Variants in STK3 observed in about 807,000 individuals in gnomAD.
The protein encoded by STK3 is serine/threonine kinase 3.
STK3 carries 41 observed loss-of-function variants against 58.0 expected under a neutral mutation model. The observed-to-expected ratio is 0.71, with a 90% CI of 0.55 to 0.92. STK3 has a LOEUF of 0.92. Ranked by LOEUF, STK3 falls within the 40% of genes least tolerant of loss-of-function variation. STK3 has a pLI of 0.00. For synonymous variants in STK3, 170 were observed against 191.0 expected, an observed-to-expected ratio of 0.89 and a Z score of 0.91; for missense variants, 479 against 602.7, an observed-to-expected ratio of 0.79 and a Z score of 2.15.
rs561697795 is a variant in STK3, at chr8:98,698,524, G to T, written c.684+7943C>A. Among the ~76,000 whole-genome samples the T allele has an allele frequency of 4.8e-3, 732 of 152,262 alleles. 4 individuals carry two copies. Among genetic ancestry groups the T allele is most frequent in the African/African-American group, 0.016 (682 of 41,558 alleles). On this transcript the variant is annotated intron_variant, in intron 6 of 10. Coordinates refer to ENST00000419617, the MANE Select transcript of STK3 (RefSeq NM_006281.4). ...TACCGGTTGTTCCTTTCCATGTTTAGTGCTTCCTTCAGGAGCTCTTTTAGG... is the reference window on the plus strand; with the variant it reads ...TACCGGTTGTTCCTTTCCATGTTTATTGCTTCCTTCAGGAGCTCTTTTAGG...
chr8:98,685,910 CAAGTA>C (rs1375077330), intron 6 of STK3, among the ~76,000 whole-genome samples: 1 of 151,942 alleles, frequency 6.6e-6, no homozygotes, highest in Non-Finnish European at 1.5e-5. Context: ...GGGAGAAATG[CAAGTA>C]AAGTATGTAA....
intron 6 of STK3, among the ~76,000 whole-genome samples, chr8:98,629,880 T>C (rs575021790): frequency 9.2e-5 from 14 of 152,292 alleles, no homozygotes; most frequent in African/African-American, 1.9e-4. Context: ...ATCCCCAGTA[T>C]TCAGCTCTCA....
chr8:98,411,074 T>C (rs1347067957), intron 3 of STK3, among the ~76,000 whole-genome samples: 1 of 152,230 alleles, frequency 6.6e-6, no homozygotes, highest in African/African-American at 2.4e-5. Flanking sequence ...TCCATGCCCA[T>C]TTGTACACGC....
chr8:98,410,748 C>T (rs1180700198), intron 3 of STK3, among the ~76,000 whole-genome samples: 4 of 152,166 alleles, frequency 2.6e-5, no homozygotes, highest in Non-Finnish European at 5.9e-5. Context: ...AGAAAGTATT[C>T]CCTCCACAAA....
chr8:98,654,290 A>G (rs1186042516), intron 6 of STK3, among the ~76,000 whole-genome samples: 2 of 152,232 alleles, frequency 1.3e-5, no homozygotes, highest in African/African-American at 4.8e-5. Context: ...ACAATCCTTC[A>G]TGCTAAAAAC....
At chr8:98,689,528 C>A (rs1337011539) in intron 6 of STK3, among the ~76,000 whole-genome samples, 1 of 152,158 alleles carries the variant, frequency 6.6e-6, no homozygotes, top group Non-Finnish European at 1.5e-5. Context: ...CATCTATAAT[C>A]CCAGCACTTG....
chr8:98,559,862 T>C (rs1811876547), intron 8 of STK3, among the ~76,000 whole-genome samples: 1 of 152,036 alleles, frequency 6.6e-6, no homozygotes, highest in African/African-American at 2.4e-5. Context: ...TTTTAAATGG[T>C]CAAAGGATAA....
intron 3 of STK3, among the ~76,000 whole-genome samples, chr8:98,834,616 C>CTGAT (rs373081309): frequency 6.2e-4 from 94 of 152,312 alleles, no homozygotes; most frequent in Admixed American, 1.8e-3. Context: ...GGCCAACTTC[C>CTGAT]TGATTCATAG....
chr8:98,433,907 C>T (rs1298266127), intron 3 of STK3, among the ~76,000 whole-genome samples: 14 of 152,166 alleles, frequency 9.2e-5, no homozygotes, highest in Non-Finnish European at 1.5e-5. Flanking sequence ...CTATTTCCAC[C>T]TATGTACACG....
At chr8:98,762,877 C>T (rs1046411418) in intron 3 of STK3, among the ~76,000 whole-genome samples, 1 of 152,174 alleles carries the variant, frequency 6.6e-6, no homozygotes, top group African/African-American at 2.4e-5. Flanking sequence ...ACAGGCATTG[C>T]TTTCTTCAAC....
chr8:98,372,703 G>C, intron 2 of STK3, among the ~76,000 whole-genome samples: 1 of 152,202 alleles, frequency 6.6e-6, no homozygotes. Flanking sequence ...GCTTCAGTCT[G>C]GGGAACAGAG....
chr8:98,390,351 C>T (rs1199670945), upstream of STK3, among the ~76,000 whole-genome samples: 2 of 152,174 alleles, frequency 1.3e-5, no homozygotes, highest in Non-Finnish European at 2.9e-5. Flanking sequence ...AAATGTTGTG[C>T]CACTTTGTTT....
intron 6 of STK3, among the ~76,000 whole-genome samples, chr8:98,703,921 C>A (rs907343759): frequency 2.6e-5 from 4 of 152,130 alleles, no homozygotes; most frequent in Non-Finnish European, 4.4e-5. Flanking sequence ...CTACTGTAAA[C>A]CTTGATGAAA....
At chr8:98,910,388 T>C (rs1051978056) in intron 1 of STK3, among the ~76,000 whole-genome samples, 8 of 152,222 alleles carry the variant, frequency 5.3e-5, no homozygotes, top group Admixed American at 5.2e-4. Flanking sequence ...AACTTTTAAA[T>C]ATTCCAGCAG....
the STK3 span, among the ~76,000 whole-genome samples, chr8:98,359,763 C>T: frequency 6.6e-6 from 1 of 152,128 alleles, no homozygotes; most frequent in African/African-American, 2.4e-5. Flanking sequence ...TGATATAAGT[C>T]ATGAGGCCCT....
chr8:98,748,636 C>T (rs1829784761), intron 4 of STK3, among the ~76,000 whole-genome samples: 1 of 151,912 alleles, frequency 6.6e-6, no homozygotes, highest in Admixed American at 6.6e-5. Context: ...CACTTTGGTC[C>T]ATACAAATTG....
chr8:98,738,607 G>T (rs1175719675), intron 4 of STK3, among the ~76,000 whole-genome samples: 1 of 152,190 alleles, frequency 6.6e-6, no homozygotes, highest in African/African-American at 2.4e-5. Flanking sequence ...CTGGATCCGG[G>T]AGCCAAGATG....
intron 3 of STK3, among the ~76,000 whole-genome samples, chr8:98,402,225 G>A (rs1456211716): frequency 6.6e-6 from 1 of 152,082 alleles, no homozygotes; most frequent in Non-Finnish European, 1.5e-5. Context: ...TCAGAGCAGG[G>A]ACCTGAACCC....
At chr8:98,871,010 A>G (rs1837355990) in intron 3 of STK3, among the ~76,000 whole-genome samples, 1 of 152,136 alleles carries the variant, frequency 6.6e-6, no homozygotes. Context: ...ATCTTGAATT[A>G]ATTTTTGTAT....
Sources: allele counts gnomAD v4.1 joint callset (sites outside exome capture counted in the v4.1 genomes callset), GRCh38; gene constraint gnomAD v4.1.1; transcripts MANE v1.5; gene names NCBI Gene and HGNC (gene_info 2026-07-23, HGNC 2026-07-21).